Variants in TAB2 observed in about 807,000 individuals in gnomAD.
TAB2 encodes the protein TGF-beta-activated kinase 1 and MAP3K7-binding protein 2.
In TAB2, 3 loss-of-function variants were observed where a neutral mutation model predicts 65.0. That is an observed-to-expected ratio of 0.05 (90% CI 0.02 to 0.12). TAB2 has a LOEUF of 0.12. TAB2 is among the 10% of genes least tolerant of loss of function. TAB2 has a pLI of 1.00. For synonymous variants in TAB2, 298 were observed against 285.1 expected, an observed-to-expected ratio of 1.05 and a Z score of -0.46; for missense variants, 623 against 840.3, an observed-to-expected ratio of 0.74 and a Z score of 3.20.
intron 1 of TAB2, among the ~76,000 whole-genome samples, chr6:149,239,507 G>A (rs562910662): frequency 2.0e-5 from 3 of 152,296 alleles, no homozygotes; most frequent in Admixed American, 2.0e-4. Flanking sequence ...ATAATCCCAG[G>A]CTTTCCACAA....
At chr6:149,382,551 A>G (rs1037598743) in intron 3 of TAB2, among the ~76,000 whole-genome samples, 2 of 151,776 alleles carry the variant, frequency 1.3e-5, no homozygotes, top group Admixed American at 6.6e-5. Context: ...AGCCGAGATC[A>G]TGCCATTGCA....
chr6:149,223,891 C>A (rs1777211519), intron 1 of TAB2, among the ~76,000 whole-genome samples: 2 of 151,866 alleles, frequency 1.3e-5, no homozygotes, highest in Non-Finnish European at 2.9e-5. Flanking sequence ...ACACCTCCCC[C>A]TTTAGGAAAA....
At chr6:149,223,251 T>G (rs927812052) in intron 1 of TAB2, among the ~76,000 whole-genome samples, 1 of 152,262 alleles carries the variant, frequency 6.6e-6, no homozygotes, top group Non-Finnish European at 1.5e-5. Context: ...TGTTTTATGT[T>G]TCTGTGGTGG....
At chr6:149,237,135 A>G (rs1469561231) in intron 1 of TAB2, among the ~76,000 whole-genome samples, 2 of 152,250 alleles carry the variant, frequency 1.3e-5, no homozygotes, top group Non-Finnish European at 2.9e-5. Context: ...AATAATATGT[A>G]TAAGGGTGTA....
intron 1 of TAB2, among the ~76,000 whole-genome samples, chr6:149,345,871 A>C (rs1286984107): frequency 6.6e-6 from 1 of 152,130 alleles, no homozygotes; most frequent in South Asian, 2.1e-4. Flanking sequence ...CCATATAATT[A>C]TTTGGATATA....
At chr6:149,240,622 G>A in intron 1 of TAB2, among the ~76,000 whole-genome samples, 1 of 152,010 alleles carries the variant, frequency 6.6e-6, no homozygotes, top group Non-Finnish European at 1.5e-5. Context: ...AGAGATTCAA[G>A]AACAATTACT....
chr6:149,365,324 C>T (rs949763350), intron 1 of TAB2, among the ~76,000 whole-genome samples: 7 of 152,156 alleles, frequency 4.6e-5, no homozygotes, highest in African/African-American at 1.4e-4. Flanking sequence ...GTTGTCCTTA[C>T]AAATGACTTA....
chr6:149,254,023 A>AAAGG (rs1562389474), intron 1 of TAB2, among the ~76,000 whole-genome samples: 23 of 137,252 alleles, frequency 1.7e-4, no homozygotes, highest in Non-Finnish European at 4.8e-5. Context: ...AGAAAGAAAG[A>AAAGG]AAAGAAAGAA....
At chr6:149,299,310 G>A (rs1012485595) in intron 1 of TAB2, among the ~76,000 whole-genome samples, 5 of 152,114 alleles carry the variant, frequency 3.3e-5, no homozygotes, top group African/African-American at 7.2e-5. Context: ...AATGGCTCAC[G>A]CCCGTAATCC....
At chr6:149,350,617 CTTTTTTTTTTT>C (rs150204735) in intron 1 of TAB2, among the ~76,000 whole-genome samples, 1 of 92,514 alleles carries the variant, frequency 1.1e-5, no homozygotes, top group Non-Finnish European at 2.0e-5. Flanking sequence ...TATTTTATGT[CTTTTTTTTTTT>C]TTTTTTTTTT....
At chr6:149,309,911 T>C (rs558802349) in intron 1 of TAB2, among the ~76,000 whole-genome samples, 2 of 152,104 alleles carry the variant, frequency 1.3e-5, no homozygotes, top group Non-Finnish European at 2.9e-5. Flanking sequence ...TGATTTTTCC[T>C]TTCTTTACAG....
At chr6:149,355,301 T>G (rs753264271) in intron 1 of TAB2, among the ~76,000 whole-genome samples, 1 of 152,198 alleles carries the variant, frequency 6.6e-6, no homozygotes, top group Non-Finnish European at 1.5e-5. Context: ...ATTAATAAAT[T>G]ACAGTTTGAA....
intron 3 of TAB2, among the ~76,000 whole-genome samples, chr6:149,385,242 A>C (rs1233025984): frequency 6.6e-6 from 1 of 152,272 alleles, no homozygotes; most frequent in Non-Finnish European, 1.5e-5. Context: ...TCAATGAGCA[A>C]GATACTCTTC....
chr6:149,229,461 G>T (rs1473909308), intron 1 of TAB2, among the ~76,000 whole-genome samples: 1 of 151,938 alleles, frequency 6.6e-6, no homozygotes, highest in Non-Finnish European at 1.5e-5. Context: ...AAGGGGTGAG[G>T]GGCTGCTGAC....
intron 1 of TAB2, among the ~76,000 whole-genome samples, chr6:149,261,604 C>A (rs2114667584): frequency 6.6e-6 from 1 of 152,100 alleles, no homozygotes; most frequent in Non-Finnish European, 1.5e-5. Flanking sequence ...TGACAAAATC[C>A]CACGGTGTAC....
chr6:149,299,032 T>C (rs1201402077), intron 1 of TAB2, among the ~76,000 whole-genome samples: 1 of 152,232 alleles, frequency 6.6e-6, no homozygotes, highest in Non-Finnish European at 1.5e-5. Context: ...AAACTTTTCA[T>C]GCTAAATGAA....
chr6:149,296,861 T>C (rs549478261), intron 1 of TAB2, among the ~76,000 whole-genome samples: 79 of 152,316 alleles, frequency 5.2e-4, no homozygotes, highest in African/African-American at 1.9e-3. Context: ...ACACAGATAT[T>C]TCTAGCACCA....
At chr6:149,360,283 G>A (rs1028716144) in intron 1 of TAB2, among the ~76,000 whole-genome samples, 1 of 152,112 alleles carries the variant, frequency 6.6e-6, no homozygotes, top group Admixed American at 6.6e-5. Context: ...AAAGAATAAG[G>A]GTTTAATTGG....
chr6:149,267,057 G>A (rs1359735678), intron 1 of TAB2, among the ~76,000 whole-genome samples: 1 of 152,128 alleles, frequency 6.6e-6, no homozygotes, highest in East Asian at 1.9e-4. Flanking sequence ...GGAAGTAGAG[G>A]ATATATTGGA....
Sources: gnomAD v4.1 joint callset for allele counts (sites outside exome capture counted in the v4.1 genomes callset) on GRCh38, gnomAD v4.1.1 for gene constraint, MANE v1.5 for transcripts, NCBI Gene and HGNC (gene_info 2026-07-23, HGNC 2026-07-21) for gene names.